The following SLC25A27 variants were observed in gnomAD, a reference collection of about 807,000 sequenced individuals.
The protein encoded by SLC25A27 is mitochondrial uncoupling protein 4.
A neutral mutation model predicts 49.1 loss-of-function variants in SLC25A27; 35 were observed. That is an observed-to-expected ratio of 0.71 (90% CI 0.54 to 0.95). The LOEUF is 0.95. Among genes scored for constraint, SLC25A27 ranks in the 40% least tolerant of loss-of-function variants. The pLI is 0.00. For synonymous variants in SLC25A27, 144 were observed against 136.9 expected (o/e 1.05, Z -0.36); for missense variants, 339 against 397.1 (o/e 0.85, Z 1.24).
At chr6:46,653,917 T>G in intron 1 of SLC25A27, 8 of 935,090 alleles carry the variant, frequency 8.6e-6, no homozygotes, top group Non-Finnish European at 1.0e-5. Flanking sequence ...TGGATATATA[T>G]TTGAAAAGAC....
chr6:46,675,247 A>C (rs1485107264), intron 8 of SLC25A27, among the ~76,000 whole-genome samples: 1 of 152,150 alleles, frequency 6.6e-6, no homozygotes, highest in Non-Finnish European at 1.5e-5. Context: ...TGTTGCTATA[A>C]TGTCATTAAC....
chr6:46,656,077 GTGTT>G, intron 2 of SLC25A27, 43 bp downstream of exon 2: 1 of 1,514,522 alleles, frequency 6.6e-7, no homozygotes, highest in Non-Finnish European at 9.0e-7. Flanking sequence ...TATGAGTTCT[GTGTT>G]TGTCTCCTGT....
intron 8 of SLC25A27, among the ~76,000 whole-genome samples, chr6:46,675,461 CTATT>C (rs142031495): frequency 0.042 from 6,445 of 152,286 alleles, 175 homozygotes; most frequent in Middle Eastern, 0.13. Flanking sequence ...CCTAAATCCA[CTATT>C]TAGTGAATTC....
rs1341251674 is a variant in SLC25A27 at position 46,671,997 on chromosome 6, G to GT, written c.900+770dup. ...ATATTATATGTATCTTTTTAATTGA[G>GT]TACCTACATCATGCAAAGCCCTATA... is the stretch of plus-strand genomic sequence containing the variant. On this transcript the variant is annotated intron_variant, in intron 8 of 8. Transcript: ENST00000371347. Among the ~76,000 whole-genome samples, 24 of 151,974 alleles carry GT rather than the reference G, an allele frequency of 1.6e-4. No homozygotes were observed. The East Asian group carries it at 4.6e-3, about 29-fold the overall frequency.
chr6:46,669,573 G>C (rs558513423), intron 6 of SLC25A27, among the ~76,000 whole-genome samples: 17 of 152,312 alleles, frequency 1.1e-4, no homozygotes, highest in African/African-American at 4.1e-4. Flanking sequence ...TTTGGAGGTA[G>C]GGGTGTGTGT....
chr6:46,654,575 G>A (rs779529222), intron 1 of SLC25A27, among the ~76,000 whole-genome samples: 8 of 152,182 alleles, frequency 5.3e-5, no homozygotes, highest in Non-Finnish European at 1.0e-4. Flanking sequence ...TGTGTGTGGA[G>A]AATGGATGGG....
At chr6:46,664,241 G>A (rs1763253903) in intron 4 of SLC25A27, among the ~76,000 whole-genome samples, 1 of 152,160 alleles carries the variant, frequency 6.6e-6, no homozygotes, top group South Asian at 2.1e-4. Context: ...AGAGAAATGA[G>A]CAAGATAAAG....
intron 2 of SLC25A27, 145 bp downstream of exon 2, chr6:46,656,179 A>T: frequency 1.7e-6 from 1 of 582,730 alleles, no homozygotes; most frequent in Non-Finnish European, 2.8e-6. Context: ...TTTTTTTATT[A>T]TTATTTAGGT....
intron 1 of SLC25A27, among the ~76,000 whole-genome samples, chr6:46,654,542 C>T (rs969897312): frequency 6.6e-6 from 1 of 152,012 alleles, no homozygotes; most frequent in East Asian, 1.9e-4. Flanking sequence ...GACTATTCCT[C>T]GTTAAAAATT....
chr6:46,653,417 C>G (rs932672871), intron 1 of SLC25A27, 119 bp downstream of exon 1: 21 of 1,435,682 alleles, frequency 1.5e-5, no homozygotes, highest in Non-Finnish European at 1.9e-5. Flanking sequence ...CTTCCATGCC[C>G]GCCTGGCAGA....
rs1426081979 is a variant in SLC25A27 at position 46,674,985 on chromosome 6, C to T, written c.901-1398C>T. 5.3e-5 allele frequency among the ~76,000 whole-genome samples: 8 copies of T among 152,160 alleles called. No individual in the cohort carries two copies. The East Asian group carries it at 1.5e-3, about 29-fold the overall frequency. ...GGGTTCATATACACTGGATTATTTG[C>T]AATGCTCATAGCTGTATCAGCGAGA... On this transcript the variant is annotated intron_variant, in intron 8 of 8. Transcript: ENST00000371347.
At chr6:46,658,910 C>A in intron 2 of SLC25A27, 52 bp from the exon 3 acceptor site, 1 of 1,146,916 alleles carries the variant, frequency 8.7e-7, no homozygotes, top group Non-Finnish European at 1.3e-6. Flanking sequence ...CATACATAAG[C>A]ATATAGATAC....
At chr6:46,659,236 A>C (rs1296204554) in intron 3 of SLC25A27, among the ~76,000 whole-genome samples, 190 bp downstream of exon 3, 1 of 152,196 alleles carries the variant, frequency 6.6e-6, no homozygotes, top group Non-Finnish European at 1.5e-5. Context: ...TACATATATA[A>C]ATTGCATATA....
intron 1 of SLC25A27, chr6:46,653,632 T>A: frequency 8.1e-6 from 8 of 985,402 alleles, no homozygotes; most frequent in Non-Finnish European, 8.4e-6. Context: ...ACGTAATCTG[T>A]TTTCCATCCT....
At chr6:46,660,829 A>T (rs1440322590) in intron 3 of SLC25A27, among the ~76,000 whole-genome samples, 1 of 152,228 alleles carries the variant, frequency 6.6e-6, no homozygotes, top group Non-Finnish European at 1.5e-5. Context: ...GCTTTCCCAG[A>T]GTCAATTATG....
At position 46,659,066 on chromosome 6, in the gene SLC25A27, T is replaced by C. The variant is rs925923733; in HGVS notation, c.383+20T>C. ...CCTTTGGTAAGTTTTGTTTGGAAAATAATATGCTGTTGCCCCAAATGCCTT... is the reference window on the plus strand; with the variant it reads ...CCTTTGGTAAGTTTTGTTTGGAAAACAATATGCTGTTGCCCCAAATGCCTT... On this transcript the variant is annotated intron_variant, in intron 3 of 8. Transcript: ENST00000371347. 7 of 1,516,662 alleles carry C rather than the reference T, an allele frequency of 4.6e-6. No individual in the cohort carries two copies. The African/African-American group carries it at 9.6e-5, about 21-fold the overall frequency. The allele number at this position is 1,516,662 out of a possible 1,614,324, so 94.0% of individuals were successfully genotyped here. A position where few individuals can be genotyped will look rare whatever the true frequency, so the allele number is the denominator to read the frequency against.
In SLC25A27 at chr6:46,676,621, CTT is replaced by C. The variant is rs1356763426; in HGVS notation, c.*169_*170del. The stretch of plus-strand genomic sequence containing the variant: ...ATTTTTTTCTGGAAACCCAAGTTCT[CTT>C]TGACTCCTCTTTTTGTCCAAAAGTG... On this transcript the variant is annotated 3_prime_UTR_variant, in exon 9 of 9. Transcript: ENST00000371347. The C allele has an allele frequency of 5.2e-6, 8 of 1,551,592 alleles. No individual in the cohort carries two copies. In the South Asian group the frequency reaches 9.5e-5, roughly 18 times the overall value.
rs1393813653 is a variant in SLC25A27 at position 46,677,970 on chromosome 6, A to G, written c.*1516A>G. The G allele has an allele frequency of 1.3e-5, 2 of 148,592 alleles. No homozygotes were observed. The highest frequency in any genetic ancestry group is 3.0e-5 in the Non-Finnish European group (2 of 67,314). 9.2% of individuals were successfully genotyped at this position (148,592 alleles called of 1,614,324 possible). A position where few individuals can be genotyped will look rare whatever the true frequency, so the allele number is the denominator to read the frequency against. On this transcript the variant is annotated 3_prime_UTR_variant, in exon 9 of 9. Transcript: ENST00000371347. ...GAGAATGTGAAGTTTAATCTCTTAA[A>G]ATATTTAGATGGTCTACTTTTTCAT...
chr6:46,664,583 T>C (rs1435313035), intron 4 of SLC25A27, among the ~76,000 whole-genome samples, 191 bp from the exon 5 acceptor site: 2 of 152,236 alleles, frequency 1.3e-5, no homozygotes, highest in Non-Finnish European at 2.9e-5. Context: ...TGTTGGCCTT[T>C]TTTCTAAAGG....
Sources: allele counts gnomAD v4.1 joint callset (sites outside exome capture counted in the v4.1 genomes callset), GRCh38; gene constraint gnomAD v4.1.1; transcripts MANE v1.5; gene names NCBI Gene and HGNC (gene_info 2026-07-23, HGNC 2026-07-21).